TJP2: variants seen among roughly 807,000 people sequenced by gnomAD.
TJP2 encodes Friedreich ataxia region gene X104 (tight junction protein ZO-2).
Under a neutral mutation model 133.1 loss-of-function variants are expected in TJP2, and 91 were observed. The ratio of observed to expected loss-of-function variants is 0.68; its 90% CI spans 0.58 to 0.81. The LOEUF (loss-of-function observed/expected upper bound fraction) is 0.81. TJP2 is among the 40% of genes least tolerant of loss of function. The probability of loss-of-function intolerance (pLI) is 0.00; values close to 1 mark genes in which losing one functional copy is unlikely to be tolerated. For missense variants in TJP2, 1,541 were observed against 1,565.6 expected, an observed-to-expected ratio of 0.98 and a Z score of 0.26; for synonymous variants, 592 against 583.4, an observed-to-expected ratio of 1.01 and a Z score of -0.21.
At chr9:69,217,960 G>A (rs1828517745) in intron 3 of TJP2, among the ~76,000 whole-genome samples, 1 of 152,136 alleles carries the variant, frequency 6.6e-6, no homozygotes, top group African/African-American at 2.4e-5. Context: ...AATTCCTTTT[G>A]TGTCCAGACC....
chr9:69,175,381 G>A (rs1339546), intron 1 of TJP2, among the ~76,000 whole-genome samples: 64,108 of 152,064 alleles, frequency 0.42, 13,857 homozygotes, highest in East Asian at 0.63. Context: ...AGCTCCCCAG[G>A]TGGTCTGTGC....
intron 11 of TJP2, among the ~76,000 whole-genome samples, chr9:69,233,930 T>C (rs1371956969): frequency 6.6e-6 from 1 of 152,228 alleles, no homozygotes; most frequent in African/African-American, 2.4e-5. Context: ...TTTTAGGTGA[T>C]AGAAGCTATA....
intron 1 of TJP2, among the ~76,000 whole-genome samples, chr9:69,187,618 C>T (rs539416385): frequency 6.6e-6 from 1 of 152,330 alleles, no homozygotes; most frequent in East Asian, 1.9e-4. Flanking sequence ...TAGATACAGG[C>T]TTCAGTGCAT....
rs556938727 is a variant in TJP2 at position 69,183,806 on chromosome 9, C to T, written c.60+9374C>T. Among the ~76,000 whole-genome samples, 8 of 152,300 alleles carry T rather than the reference C, an allele frequency of 5.3e-5. No individual in the cohort carries two copies. In the South Asian group the frequency reaches 1.5e-3, roughly 28 times the overall value. ...CTGGAGTGCAGTGGCATGATCTCAG[C>T]TCATTGCGACCTGTGCCTCCCAGGT... On this transcript the variant is annotated intron_variant, in intron 1 of 22. Transcript: ENST00000377245.
intron 1 of TJP2, among the ~76,000 whole-genome samples, chr9:69,207,263 T>G (rs1827505605): frequency 6.6e-6 from 1 of 152,236 alleles, no homozygotes; most frequent in Non-Finnish European, 1.5e-5. Flanking sequence ...ATATTCAAGT[T>G]GTTGTAAAAC....
chr9:69,135,865 C>T (rs967270966), intron 1 of TJP2, among the ~76,000 whole-genome samples: 16 of 152,110 alleles, frequency 1.1e-4, no homozygotes, highest in African/African-American at 3.4e-4. Flanking sequence ...CTCAGCCTCC[C>T]GAAGTGCTGA....
In TJP2 at chr9:69,124,387, T is replaced by TTA. The variant is rs1358744525; in HGVS notation, c.-131+2663_-131+2664insAT. 2.6e-5 allele frequency among the ~76,000 whole-genome samples: 2 copies of TTA among 76,540 alleles called. 1 individual carries two copies. The highest frequency in any genetic ancestry group is 8.0e-5 in the African/African-American group (2 of 25,130). The allele number at this position is 76,540 out of a possible 152,430, so 50.2% of individuals were successfully genotyped here. Reference sequence around the variant, plus strand: ...GCTAGTTTAAATTATTATTATTATTTTTTTCTGTAGATTGGGTTCTTGCTT... The same window carrying TTA: ...GCTAGTTTAAATTATTATTATTATTTTATTTTCTGTAGATTGGGTTCTTGCTT... On this transcript the variant is annotated intron_variant, in intron 1 of 5. Transcript: ENST00000423935.
At chr9:69,242,919 A>C (rs1197970983) in intron 17 of TJP2, among the ~76,000 whole-genome samples, 1 of 152,208 alleles carries the variant, frequency 6.6e-6, no homozygotes, top group African/African-American at 2.4e-5. Context: ...GCTAGAGTGC[A>C]GTGGCACGAT....
chr9:69,225,172 C>T, intron 5 of TJP2, 132 bp from the exon 6 acceptor site: 1 of 655,180 alleles, frequency 1.5e-6, no homozygotes, highest in Non-Finnish European at 2.7e-6. Flanking sequence ...GAGTTCAGGC[C>T]AGTCATCTTA....
At chr9:69,137,213 TTTGTTTTCTTTCC>T (rs1175738944) in intron 1 of TJP2, among the ~76,000 whole-genome samples, 1 of 150,224 alleles carries the variant, frequency 6.7e-6, no homozygotes. Flanking sequence ...CATGAGCTTC[TTTGTTTTCTTTCC>T]TTCTTTCTTT....
intron 1 of TJP2, among the ~76,000 whole-genome samples, chr9:69,199,549 C>T (rs146885637): frequency 4.3e-4 from 66 of 152,156 alleles, no homozygotes; most frequent in African/African-American, 1.4e-3. Flanking sequence ...CACACACACA[C>T]GCATGCACGT....
intron 1 of TJP2, among the ~76,000 whole-genome samples, chr9:69,143,459 CCTGTATGATTAAATGAGGG>C (rs1277684937): frequency 6.6e-6 from 1 of 152,124 alleles, no homozygotes; most frequent in East Asian, 1.9e-4. Context: ...ATTACATCTT[CCTGTATGATTAAATGAGGG>C]CTGTATGGGA....
chr9:69,188,404 G>A (rs796823787), intron 1 of TJP2, among the ~76,000 whole-genome samples: 12 of 152,228 alleles, frequency 7.9e-5, no homozygotes, highest in African/African-American at 2.4e-4. Context: ...GTGACAGGGA[G>A]GGGATTTGAG....
chr9:69,250,840 A>C (rs1230415357), intron 20 of TJP2, among the ~76,000 whole-genome samples, 195 bp from the exon 21 acceptor site: 1 of 152,124 alleles, frequency 6.6e-6, no homozygotes, highest in African/African-American at 2.4e-5. Flanking sequence ...CTAATAGACT[A>C]GTATAGGAAG....
intron 1 of TJP2, among the ~76,000 whole-genome samples, chr9:69,123,037 G>A (rs1333766783): frequency 6.6e-6 from 1 of 152,094 alleles, no homozygotes; most frequent in Non-Finnish European, 1.5e-5. Flanking sequence ...AGGATCTCAG[G>A]CCCCACCCAG....
intron 1 of TJP2, among the ~76,000 whole-genome samples, chr9:69,174,889 C>G (rs1824954448): frequency 6.8e-6 from 1 of 147,972 alleles, no homozygotes. Flanking sequence ...TCAGCTGCGT[C>G]TGTAATAGAA....
chr9:69,193,836 G>A (rs1036105488), intron 1 of TJP2, among the ~76,000 whole-genome samples: 3 of 151,836 alleles, frequency 2.0e-5, no homozygotes, highest in African/African-American at 7.3e-5. Context: ...GCTGCCCCCT[G>A]CCTGGATGGA....
At chr9:69,214,641 G>C (rs533629091) in intron 2 of TJP2, among the ~76,000 whole-genome samples, 136 of 152,248 alleles carry the variant, frequency 8.9e-4, no homozygotes, top group African/African-American at 3.2e-3. Context: ...GGCAGAGACA[G>C]GTGGATCACA....
chr9:69,181,100 A>G (rs1825463021), intron 1 of TJP2, among the ~76,000 whole-genome samples: 1 of 152,138 alleles, frequency 6.6e-6, no homozygotes, highest in Non-Finnish European at 1.5e-5. Context: ...TAGAATTGCG[A>G]ATTTCATCCA....
Sources: allele counts gnomAD v4.1 joint callset (sites outside exome capture counted in the v4.1 genomes callset), GRCh38; gene constraint gnomAD v4.1.1; transcripts MANE v1.5; gene names NCBI Gene and HGNC (gene_info 2026-07-23, HGNC 2026-07-21).